Variants in SOCS7 observed in about 807,000 individuals in gnomAD.
SOCS7 encodes the protein NAP-4.
Under a neutral mutation model 58.9 loss-of-function variants are expected in SOCS7, and 18 were observed. The ratio of observed to expected loss-of-function variants is 0.31; its 90% CI spans 0.21 to 0.45. The LOEUF (loss-of-function observed/expected upper bound fraction) is 0.45, where lower values mean the gene tolerates loss of function less well. Among genes scored for constraint, SOCS7 ranks in the 20% least tolerant of loss-of-function variants. SOCS7 has a pLI of 1.00. For synonymous variants in SOCS7, 388 were observed against 364.3 expected, an observed-to-expected ratio of 1.06 and a Z score of -0.74; for missense variants, 667 against 837.3, an observed-to-expected ratio of 0.80 and a Z score of 2.51.
rs182384921 is a variant in SOCS7, at chr17:38,384,088, C to T, written c.1681+6246C>T. On this transcript the variant is annotated intron_variant, in intron 7 of 9. Coordinates refer to ENST00000612932, the MANE Select transcript of SOCS7 (RefSeq NM_014598.4). Reference sequence around the variant, plus strand: ...GCTGCATGACCCCCTTTAGCAACACCGTAAGACTCCCTTGAGGATATTTGC... The same window carrying T: ...GCTGCATGACCCCCTTTAGCAACACTGTAAGACTCCCTTGAGGATATTTGC... 2.4e-4 allele frequency among the ~76,000 whole-genome samples: 36 copies of T among 152,210 alleles called. 1 individual carries two copies. The Middle Eastern group carries it at 0.01, about 43-fold the overall frequency.
At chr17:38,379,526 G>T (rs1408113634) in intron 7 of SOCS7, among the ~76,000 whole-genome samples, 1 of 152,112 alleles carries the variant, frequency 6.6e-6, no homozygotes, top group East Asian at 1.9e-4. Flanking sequence ...AGAACTTCAT[G>T]CTTTCCCATT....
intron 7 of SOCS7, among the ~76,000 whole-genome samples, chr17:38,381,960 A>C (rs1413722143): frequency 2.0e-5 from 3 of 149,248 alleles, no homozygotes; most frequent in Non-Finnish European, 4.4e-5. Flanking sequence ...AAAAAAAAAA[A>C]AAAAAAAAAA....
In SOCS7 at chr17:38,404,240, TAC is replaced by T. The variant is rs1427325674; in HGVS notation, c.*4759_*4760del. 6.6e-6 allele frequency: 1 copy of T among 152,252 alleles called. No individual in the cohort carries two copies. Among genetic ancestry groups the T allele is most frequent in the East Asian group, 1.9e-4 (1 of 5,202 alleles). The allele number at this position is 152,252 out of a possible 1,614,324, so 9.4% of individuals were successfully genotyped here. On this transcript the variant is annotated 3_prime_UTR_variant, in exon 10 of 10. Transcript: ENST00000612932. The stretch of plus-strand genomic sequence containing the variant: ...GTTAGGAAAGTAGCGTTATGAGTTG[TAC>T]TGAAAATGTTGATTCTCTAATCTGC...
At chr17:38,382,282 A>G (rs1229658137) in intron 7 of SOCS7, among the ~76,000 whole-genome samples, 1 of 151,532 alleles carries the variant, frequency 6.6e-6, no homozygotes, top group Non-Finnish European at 1.5e-5. Context: ...AAACAAAACA[A>G]AAAAGCCTAG....
chr17:38,394,952 A>G (rs577437240), intron 7 of SOCS7, among the ~76,000 whole-genome samples: 88 of 152,292 alleles, frequency 5.8e-4, no homozygotes, highest in Admixed American at 5.6e-3. Flanking sequence ...CAGGAGGCTG[A>G]GGCGGGAGGA....
chr17:38,355,368 T>C (rs2037623719), intron 1 of SOCS7, among the ~76,000 whole-genome samples: 1 of 152,192 alleles, frequency 6.6e-6, no homozygotes, highest in Non-Finnish European at 1.5e-5. Context: ...AGCTGGTAAA[T>C]TTTTTAATGC....
chr17:38,378,770 G>C (rs921188543), intron 7 of SOCS7, among the ~76,000 whole-genome samples: 2 of 152,192 alleles, frequency 1.3e-5, no homozygotes, highest in Admixed American at 1.3e-4. Flanking sequence ...ATAATCTGTG[G>C]AGGGCAAGAG....
In SOCS7 at chr17:38,365,379, C is replaced by T; in HGVS notation, c.1222C>T (p.Leu408=). 6.2e-7 allele frequency: 1 copy of T among 1,612,690 alleles called. No individual in the cohort carries two copies. The highest frequency in any genetic ancestry group is 8.5e-7 in the Non-Finnish European group (1 of 1,179,342). The part of the protein sequence containing the change: ...PMGSSLQSFP[L]PPPPPPHAPD... The stretch of plus-strand genomic sequence containing the variant: ...GGGGTCTTCCTTGCAGTCTTTCCCC[C>T]TACCTCCGCCTCCTCCACCCCATGC... Residue 408 remains leucine (L), a synonymous_variant, in exon 4 of 10, where the codon CTA becomes TTA. Coordinates refer to ENST00000612932, the MANE Select transcript of SOCS7 (RefSeq NM_014598.4).
intron 7 of SOCS7, among the ~76,000 whole-genome samples, chr17:38,383,707 G>C (rs937252534): frequency 6.6e-6 from 1 of 152,052 alleles, no homozygotes; most frequent in Non-Finnish European, 1.5e-5. Context: ...ATCACGCCCG[G>C]CTAAATTTTT....
At chr17:38,367,335 G>C (rs2037804004) in intron 5 of SOCS7, among the ~76,000 whole-genome samples, 2 of 151,614 alleles carry the variant, frequency 1.3e-5, no homozygotes, top group Admixed American at 1.3e-4. Flanking sequence ...AAAGTGCTGG[G>C]ATTACAGGTG....
rs879670458 is a variant in SOCS7 at position 38,351,917 on chromosome 17, C to A, written c.-136C>A. Among the ~76,000 whole-genome samples the A allele has an allele frequency of 2.6e-5, 4 of 151,402 alleles. No individual in the cohort carries two copies. The highest frequency in any genetic ancestry group is 7.3e-5 in the African/African-American group (3 of 41,362). ...CTGGGCTCCGCGCGCCCCCCGCCCC[C>A]CTCTATGAGGCAGAGGCCGCGGCGG... On this transcript the variant is annotated 5_prime_UTR_variant, in exon 1 of 10. Transcript: ENST00000612932.
chr17:38,391,844 T>C (rs965408609), intron 7 of SOCS7, among the ~76,000 whole-genome samples: 1 of 152,222 alleles, frequency 6.6e-6, no homozygotes, highest in African/African-American at 2.4e-5. Flanking sequence ...ATTCCTTATC[T>C]GATTCTGTCT....
At chr17:38,365,219 C>A (rs1044068882) in intron 3 of SOCS7, 89 bp from the exon 4 acceptor site, 10 of 954,638 alleles carry the variant, frequency 1.0e-5, no homozygotes, top group African/African-American at 9.8e-5. Flanking sequence ...CAGAGGGCAG[C>A]CTGATAGTCC....
chr17:38,365,507 A>T, intron 4 of SOCS7, 98 bp downstream of exon 4: 1 of 724,136 alleles, frequency 1.4e-6, no homozygotes, highest in South Asian at 2.6e-5. Flanking sequence ...TGGAAATAAC[A>T]GCTTAGTAGA....
chr17:38,356,735 T>C (rs587634865), intron 1 of SOCS7, among the ~76,000 whole-genome samples: 32 of 152,262 alleles, frequency 2.1e-4, no homozygotes, highest in African/African-American at 7.5e-4. Context: ...CAGGTTTCTG[T>C]TCTGGGGAAC....
rs1418886486 is a variant in SOCS7, at chr17:38,352,288, T to C, written c.236T>C (p.Val79Ala). Residue 79 changes from valine to alanine, a missense_variant, in exon 1 of 10, where the codon GTG (valine) becomes GCG (alanine). Transcript: ENST00000612932. The surrounding 1 kb of genome is among the most constrained non-coding windows in gnomAD (Gnocchi z 5.5). Reference sequence around the variant, plus strand: ...GGTCGGCCGCCGGAGGAGGAGGACGTGGAGGCGGCCCCGGAGCCGGGACCC... The same window carrying C: ...GGTCGGCCGCCGGAGGAGGAGGACGCGGAGGCGGCCCCGGAGCCGGGACCC... ...NVGRPPEEED[V>A]EAAPEPGPSE... is the part of the protein sequence containing the mutation. 1 of 1,487,766 alleles carries C rather than the reference T, an allele frequency of 6.7e-7. No individual in the cohort carries two copies. The highest frequency in any genetic ancestry group is 8.9e-7 in the Non-Finnish European group (1 of 1,129,342). The allele number at this position is 1,487,766 out of a possible 1,614,324, so 92.2% of individuals were successfully genotyped here.
chr17:38,384,609 T>A (rs1343844527), intron 7 of SOCS7, among the ~76,000 whole-genome samples: 1 of 152,010 alleles, frequency 6.6e-6, no homozygotes, highest in African/African-American at 2.4e-5. Context: ...TTTTTTTCTT[T>A]GAGATGGAGT....
intron 7 of SOCS7, among the ~76,000 whole-genome samples, chr17:38,383,682 T>G (rs536631732): frequency 2.2e-4 from 34 of 152,134 alleles, no homozygotes; most frequent in Admixed American, 4.6e-4. Flanking sequence ...GTAGCTGGGA[T>G]TATAGGCGCC....
At chr17:38,355,748 C>A (rs1250452596) in intron 1 of SOCS7, among the ~76,000 whole-genome samples, 1 of 152,192 alleles carries the variant, frequency 6.6e-6, no homozygotes, top group Non-Finnish European at 1.5e-5. Flanking sequence ...TTCCTACAAT[C>A]ATTTTAGAAG....
Sources: gnomAD v4.1 joint callset for allele counts (sites outside exome capture counted in the v4.1 genomes callset) on GRCh38, gnomAD v4.1.1 for gene constraint, Gnocchi (gnomAD v3.1) non-coding constraint, MANE v1.5 for transcripts, NCBI Gene and HGNC (gene_info 2026-07-23, HGNC 2026-07-21) for gene names.